PPM1L: variants seen among roughly 807,000 people sequenced by gnomAD.
PPM1L encodes the protein protein phosphatase 1L.
Under a neutral mutation model 31.4 loss-of-function variants are expected in PPM1L, and 13 were observed. The ratio of observed to expected loss-of-function variants is 0.41; its 90% confidence interval spans 0.27 to 0.66. The LOEUF is 0.66. Among genes scored for constraint, PPM1L ranks in the 30% least tolerant of loss-of-function variants. The probability of loss-of-function intolerance (pLI) is 0.29; values close to 1 mark genes in which losing one functional copy is unlikely to be tolerated. For missense variants in PPM1L, 326 were observed against 453.7 expected (o/e 0.72, Z 2.56); for synonymous variants, 184 against 175.4 (o/e 1.05, Z -0.39).
At chr3:160,774,564 AT>A (rs1420560869) in intron 1 of PPM1L, among the ~76,000 whole-genome samples, 1 of 152,214 alleles carries the variant, frequency 6.6e-6, no homozygotes, top group African/African-American at 2.4e-5. Context: ...TCATAATAGT[AT>A]CCCTGGCTCC....
At chr3:160,846,493 G>C (rs1206881359) in intron 1 of PPM1L, among the ~76,000 whole-genome samples, 1 of 152,068 alleles carries the variant, frequency 6.6e-6, no homozygotes, top group African/African-American at 2.4e-5. Flanking sequence ...CCTTAAAAAT[G>C]TTGTATTATT....
intron 2 of PPM1L, among the ~76,000 whole-genome samples, chr3:161,013,762 C>A (rs1311609154): frequency 6.6e-6 from 1 of 152,138 alleles, no homozygotes; most frequent in Non-Finnish European, 1.5e-5. Context: ...TGAATTGATA[C>A]CTTTACCATT....
intron 1 of PPM1L, among the ~76,000 whole-genome samples, chr3:160,783,629 G>GAAAT (rs1711814255): frequency 6.6e-6 from 1 of 150,680 alleles, no homozygotes; most frequent in African/African-American, 2.4e-5. Flanking sequence ...AAGAAAGAAA[G>GAAAT]AAAGAAAGAA....
At chr3:160,843,641 G>A (rs895382716) in intron 1 of PPM1L, among the ~76,000 whole-genome samples, 7 of 150,964 alleles carry the variant, frequency 4.6e-5, no homozygotes, top group South Asian at 2.1e-4. Context: ...AACAGGCCCC[G>A]GTGTGTGATG....
intron 1 of PPM1L, among the ~76,000 whole-genome samples, chr3:160,938,630 A>G (rs939402368): frequency 2.3e-4 from 35 of 152,188 alleles, no homozygotes; most frequent in Non-Finnish European, 7.3e-5. Context: ...AATAACTAAA[A>G]TTTATGGAAT....
At chr3:161,012,183 G>A (rs903600324) in intron 2 of PPM1L, among the ~76,000 whole-genome samples, 47 of 152,094 alleles carry the variant, frequency 3.1e-4, no homozygotes, top group Admixed American at 3.9e-4. Flanking sequence ...TTATTTTGAG[G>A]TACGTCCCAT....
chr3:160,832,059 A>G (rs907319689), intron 1 of PPM1L, among the ~76,000 whole-genome samples: 1 of 152,240 alleles, frequency 6.6e-6, no homozygotes, highest in Admixed American at 6.5e-5. Context: ...ATTGAATACC[A>G]TCTACGTGGT....
intron 1 of PPM1L, among the ~76,000 whole-genome samples, chr3:160,956,432 C>G (rs1031964406): frequency 6.6e-5 from 10 of 152,304 alleles, no homozygotes; most frequent in African/African-American, 2.4e-4. Context: ...TAGGATATGT[C>G]TGGCTAAACA....
chr3:160,981,159 A>G (rs1716784157), intron 2 of PPM1L, among the ~76,000 whole-genome samples: 1 of 152,186 alleles, frequency 6.6e-6, no homozygotes, highest in Non-Finnish European at 1.5e-5. Context: ...AATACTGTGT[A>G]TTAGTTACCT....
rs753387579 is a variant in PPM1L, at chr3:160,999,477, C to A, written c.574+37567C>A. On this transcript the variant is annotated intron_variant, in intron 2 of 3. Transcript: ENST00000498165. ...CAGAGGGAAATAAGAATCTCTTACA[C>A]CCCAGTTATTTCTTCTCAGGGTAAG... 4.2e-4 allele frequency among the ~76,000 whole-genome samples: 64 copies of A among 152,290 alleles called. 1 individual carries two copies. In the Middle Eastern group the frequency reaches 0.01, roughly 24 times the overall value.
At chr3:160,869,412 G>A (rs1205451099) in intron 1 of PPM1L, among the ~76,000 whole-genome samples, 1 of 152,130 alleles carries the variant, frequency 6.6e-6, no homozygotes, top group Non-Finnish European at 1.5e-5. Flanking sequence ...GCTTTGGTGT[G>A]ATTTGTAAAA....
At chr3:160,811,583 A>G (rs1445375340) in intron 1 of PPM1L, among the ~76,000 whole-genome samples, 1 of 152,226 alleles carries the variant, frequency 6.6e-6, no homozygotes, top group African/African-American at 2.4e-5. Context: ...TATATTAATG[A>G]GATCAGTCTC....
intron 2 of PPM1L, among the ~76,000 whole-genome samples, chr3:161,058,700 A>G (rs769102880): frequency 2.0e-5 from 3 of 151,994 alleles, no homozygotes; most frequent in Non-Finnish European, 4.4e-5. Context: ...TGCCCTCCCC[A>G]CTCTGAATGT....
intron 1 of PPM1L, among the ~76,000 whole-genome samples, chr3:160,877,424 T>A (rs768271240): frequency 2.0e-5 from 3 of 152,198 alleles, no homozygotes; most frequent in Non-Finnish European, 2.9e-5. Flanking sequence ...ATCTGACAGC[T>A]TTCTGTTGCT....
intron 1 of PPM1L, among the ~76,000 whole-genome samples, chr3:160,767,326 C>A (rs1323119431): frequency 1.3e-5 from 2 of 151,954 alleles, no homozygotes; most frequent in African/African-American, 4.8e-5. Flanking sequence ...CTCCACCTCC[C>A]AGGCTCAAGT....
intron 2 of PPM1L, 76 bp from the exon 3 acceptor site, chr3:161,065,327 T>C (rs1559942407): frequency 6.9e-7 from 1 of 1,443,698 alleles, no homozygotes; most frequent in Non-Finnish European, 9.6e-7. Context: ...GACTGAAGAA[T>C]CCAGTTACCA....
At chr3:160,791,186 T>C (rs1312618427) in intron 1 of PPM1L, among the ~76,000 whole-genome samples, 2 of 152,226 alleles carry the variant, frequency 1.3e-5, no homozygotes, top group East Asian at 1.9e-4. Context: ...CATGAGACCA[T>C]TTAAAGAGAG....
chr3:161,074,523 A>T lies in PPM1L; in HGVS notation c.*5366A>T, dbSNP rs1286491610. 6.6e-6 allele frequency: 1 copy of T among 152,210 alleles called. No individual in the cohort carries two copies. Among genetic ancestry groups the T allele is most frequent in the African/African-American group, 2.4e-5 (1 of 41,460 alleles). 9.4% of individuals were successfully genotyped at this position (152,210 alleles called of 1,614,324 possible). On this transcript the variant is annotated 3_prime_UTR_variant, in exon 4 of 4. Transcript: ENST00000498165. ...AATATTTTAAAAAACTAAAAGTAAG[A>T]TCTCTTAGGCTAGGTGGCGGATTGC...
At chr3:160,915,114 A>G (rs891719767) in intron 1 of PPM1L, among the ~76,000 whole-genome samples, 1 of 152,168 alleles carries the variant, frequency 6.6e-6, no homozygotes, top group African/African-American at 2.4e-5. Context: ...GAGGAAGTCA[A>G]ATTGTCCCTG....
Sources: gnomAD v4.1 joint callset for allele counts (sites outside exome capture counted in the v4.1 genomes callset) on GRCh38, gnomAD v4.1.1 for gene constraint, MANE v1.5 for transcripts, NCBI Gene and HGNC (gene_info 2026-07-23, HGNC 2026-07-21) for gene names.